The following SERGEF variants were observed in gnomAD, a reference collection of about 807,000 sequenced individuals.
SERGEF encodes the protein secretion regulating guanine nucleotide exchange factor, also known as secretion-regulating guanine nucleotide exchange factor.
A neutral mutation model predicts 50.0 loss-of-function variants in SERGEF; 51 were observed. The ratio of observed to expected loss-of-function variants is 1.02; its 90% confidence interval spans 0.81 to 1.29. The LOEUF (loss-of-function observed/expected upper bound fraction) is 1.29, where lower values mean the gene tolerates loss of function less well. Ranked by LOEUF, SERGEF falls within the 50% of genes most tolerant of loss-of-function variation. The pLI, the probability that SERGEF is intolerant of heterozygous loss-of-function variation, is 0.00. For missense variants in SERGEF, 521 were observed against 557.0 expected, an observed-to-expected ratio of 0.94 and a Z score of 0.65; for synonymous variants, 205 against 212.4, an observed-to-expected ratio of 0.97 and a Z score of 0.30.
chr11:17,908,839 C>A (rs935640587), intron 9 of SERGEF, among the ~76,000 whole-genome samples: 2 of 152,052 alleles, frequency 1.3e-5, no homozygotes, highest in Non-Finnish European at 2.9e-5. Context: ...AAAATAAAAG[C>A]AGAAACTAGT....
intron 9 of SERGEF, among the ~76,000 whole-genome samples, chr11:17,895,877 T>A (rs1851610451): frequency 6.6e-6 from 1 of 152,206 alleles, no homozygotes; most frequent in South Asian, 2.1e-4. Context: ...CAGTTTTATA[T>A]CATGACCTTT....
intron 9 of SERGEF, among the ~76,000 whole-genome samples, chr11:17,934,711 A>G (rs1852417558): frequency 6.6e-6 from 1 of 152,228 alleles, no homozygotes; most frequent in South Asian, 2.1e-4. Context: ...GACCAAGTGT[A>G]CTGACTAACC....
chr11:17,852,627 A>G (rs1850734378), intron 10 of SERGEF, among the ~76,000 whole-genome samples: 1 of 152,236 alleles, frequency 6.6e-6, no homozygotes, highest in East Asian at 1.9e-4. Context: ...AATAAAGGAC[A>G]AAAGGAATCA....
chr11:17,852,609 T>C (rs1850734149), intron 10 of SERGEF, among the ~76,000 whole-genome samples: 3 of 152,146 alleles, frequency 2.0e-5, no homozygotes, highest in Admixed American at 1.3e-4. Flanking sequence ...AAAAATGTCA[T>C]AAATCATAAT....
chr11:17,823,862 A>T (rs2133846794), intron 10 of SERGEF, among the ~76,000 whole-genome samples: 1 of 152,328 alleles, frequency 6.6e-6, no homozygotes, highest in South Asian at 2.1e-4. Flanking sequence ...TCCTGGTAAC[A>T]GACTTCAAAT....
At chr11:17,948,249 G>A (rs905066640) in intron 9 of SERGEF, among the ~76,000 whole-genome samples, 11 of 152,156 alleles carry the variant, frequency 7.2e-5, no homozygotes, top group African/African-American at 1.9e-4. Flanking sequence ...TTTGTTTATT[G>A]CTTCATAGTT....
intron 1 of SERGEF, chr11:18,010,165 T>C (rs1334752426): frequency 9.7e-7 from 1 of 1,033,740 alleles, no homozygotes; most frequent in Non-Finnish European, 1.3e-6. Flanking sequence ...TGATGTAAAA[T>C]AATTACAACA....
rs559795571 is a variant in SERGEF, at chr11:17,943,944, T to C, written c.1011+15526A>G. Among the ~76,000 whole-genome samples, 5 of 152,280 alleles carry C rather than the reference T, an allele frequency of 3.3e-5. No individual in the cohort carries two copies. The East Asian group carries it at 9.6e-4, about 29-fold the overall frequency. On this transcript the variant is annotated intron_variant, in intron 9 of 10. Coordinates refer to ENST00000265965, the MANE Select transcript of SERGEF (RefSeq NM_012139.4). ...GTTTTTTGGTTTATTTGTTTGTTTT[T>C]TGAGACAGAGTCTGGCTCTGTTGCC...
chr11:17,822,067 C>A (rs139862092), intron 10 of SERGEF, among the ~76,000 whole-genome samples: 3 of 152,262 alleles, frequency 2.0e-5, no homozygotes, highest in South Asian at 2.1e-4. Flanking sequence ...ATAGACAGAA[C>A]CTTATGACTG....
chr11:17,963,693 G>C (rs1161328472), intron 8 of SERGEF, among the ~76,000 whole-genome samples: 3 of 152,098 alleles, frequency 2.0e-5, no homozygotes, highest in African/African-American at 7.2e-5. Context: ...ACGTCTATTA[G>C]TAAAATATTT....
chr11:17,973,956 C>T (rs1853309152), intron 8 of SERGEF, among the ~76,000 whole-genome samples: 1 of 152,150 alleles, frequency 6.6e-6, no homozygotes, highest in Non-Finnish European at 1.5e-5. Flanking sequence ...GGAAGATAAT[C>T]AGGAGACTTA....
rs577492856 is a variant in SERGEF, at chr11:17,923,253, C to T, written c.1011+36217G>A. On this transcript the variant is annotated intron_variant, in intron 9 of 10. Transcript: ENST00000265965. ...CAGTTTAGCCTACTGGATCCTTAGT[C>T]CCTGGAGAGCAGGGGCCATACCTCA... Among the ~76,000 whole-genome samples the T allele has an allele frequency of 1.2e-4, 18 of 152,334 alleles. No homozygotes were observed. In the South Asian group the frequency reaches 3.7e-3, roughly 32 times the overall value.
At chr11:17,916,092 C>T (rs1477860971) in intron 9 of SERGEF, among the ~76,000 whole-genome samples, 4 of 152,188 alleles carry the variant, frequency 2.6e-5, no homozygotes, top group Admixed American at 2.0e-4. Flanking sequence ...GGAATCACAG[C>T]ATCCATCTGG....
chr11:17,844,378 G>C (rs1850562096), intron 10 of SERGEF, among the ~76,000 whole-genome samples: 1 of 152,034 alleles, frequency 6.6e-6, no homozygotes, highest in African/African-American at 2.4e-5. Flanking sequence ...AATCAATTTA[G>C]AAGACTAAAA....
chr11:17,878,721 C>G (rs987667872), intron 9 of SERGEF, among the ~76,000 whole-genome samples: 1 of 152,188 alleles, frequency 6.6e-6, no homozygotes, highest in Non-Finnish European at 1.5e-5. Flanking sequence ...CATCTGTCCA[C>G]TCTCCCTTTC....
At chr11:17,994,800 C>A (rs1443024511) in intron 6 of SERGEF, among the ~76,000 whole-genome samples, 1 of 152,070 alleles carries the variant, frequency 6.6e-6, no homozygotes, top group Non-Finnish European at 1.5e-5. Context: ...AAGAGAACAC[C>A]TCCAGGACTT....
At chr11:17,850,471 GGTT>G (rs1478857477) in intron 10 of SERGEF, among the ~76,000 whole-genome samples, 1 of 152,138 alleles carries the variant, frequency 6.6e-6, no homozygotes, top group Non-Finnish European at 1.5e-5. Flanking sequence ...CAGACATATG[GGTT>G]GTTATTAGAG....
intron 8 of SERGEF, among the ~76,000 whole-genome samples, chr11:17,982,012 C>G (rs566122092): frequency 6.6e-6 from 1 of 152,058 alleles, no homozygotes; most frequent in Non-Finnish European, 1.5e-5. Flanking sequence ...GCCATACTGC[C>G]CAGGCTGATC....
intron 9 of SERGEF, among the ~76,000 whole-genome samples, chr11:17,899,059 T>C (rs2133918632): frequency 6.6e-6 from 1 of 152,324 alleles, no homozygotes; most frequent in East Asian, 1.9e-4. Context: ...TGCTTCTTCT[T>C]TCCCTTCCAC....
Sources: allele counts gnomAD v4.1 joint callset (sites outside exome capture counted in the v4.1 genomes callset), GRCh38; gene constraint gnomAD v4.1.1; transcripts MANE v1.5; gene names NCBI Gene and HGNC (gene_info 2026-07-23, HGNC 2026-07-21).